CHTF18: variants seen among roughly 807,000 people sequenced by gnomAD.
The protein encoded by CHTF18 is chromosome transmission fidelity protein 18 homolog.
Under a neutral mutation model 113.4 loss-of-function variants are expected in CHTF18, and 151 were observed. That is an observed-to-expected ratio of 1.33 (90% CI 1.17 to 1.52). The LOEUF is 1.52. Ranked by LOEUF, CHTF18 falls within the 40% of genes most tolerant of loss-of-function variation. The probability of loss-of-function intolerance (pLI) is 0.00; values close to 1 mark genes in which losing one functional copy is unlikely to be tolerated. For missense variants in CHTF18, 1,982 were observed against 1,381.6 expected, an observed-to-expected ratio of 1.43 and a Z score of -6.89; for synonymous variants, 916 against 598.8, an observed-to-expected ratio of 1.53 and a Z score of -7.74.
rs764024677 is a variant in CHTF18, at chr16:793,180, C to T, written c.1708C>T (p.Arg570Trp). 3.7e-5 allele frequency: 59 copies of T among 1,607,072 alleles called. No individual in the cohort carries two copies. Among genetic ancestry groups the T allele is most frequent in the Admixed American group, 3.4e-5 (2 of 59,432 alleles). The change falls in exon 14 of 22, where the codon CGG (arginine) becomes TGG (tryptophan). Residue 570 changes from arginine (R) to tryptophan (W), a missense_variant. Transcript: ENST00000262315. ...CCGGGGCCAGCGGGAGCTGAGCGTGCGGGACGTGCAGGCCACACGCGTGGG... is the reference window on the plus strand; with the variant it reads ...CCGGGGCCAGCGGGAGCTGAGCGTGTGGGACGTGCAGGCCACACGCGTGGG... ...YSRGQRELSV[R>W]DVQATRVGLK...
intron 10 of CHTF18, 38 bp from the exon 11 acceptor site, chr16:792,401 A>C: frequency 6.4e-7 from 1 of 1,561,630 alleles, no homozygotes; most frequent in Non-Finnish European, 8.7e-7. Flanking sequence ...GGCGGGCAGC[A>C]GGGCCTGGAC....
chr16:797,026 A>C lies in CHTF18; in HGVS notation c.2667A>C (p.Arg889=), dbSNP rs746649499. 5 of 1,559,474 alleles carry C rather than the reference A, an allele frequency of 3.2e-6. No homozygotes were observed. Among genetic ancestry groups the C allele is most frequent in the Non-Finnish European group, 4.3e-6 (5 of 1,152,362 alleles). The part of the protein sequence containing the change: ...LGGIGEKGVH[R]PAPRNHEQRL... ...GCATTGGGGAGAAAGGGGTGCACCG[A>C]CCTGCCCCACGCAACCATGAGCAGC... Residue 889 remains arginine, a synonymous_variant, in exon 20 of 22, where the codon CGA becomes CGC. Transcript: ENST00000262315.
chr16:794,759 C>T (rs984232569), intron 15 of CHTF18: 3 of 286,044 alleles, frequency 1.0e-5, no homozygotes, highest in East Asian at 8.3e-5. Context: ...ACGCCACGGC[C>T]TGGACTCTGG....
rs768643797 is a variant in CHTF18, at chr16:795,152, G to A, written c.1971G>A (p.Leu657=). 1 of 1,551,770 alleles carries A rather than the reference G, an allele frequency of 6.4e-7. No homozygotes were observed. The change falls in exon 16 of 22, where the codon CTG becomes CTA. Residue 657 remains leucine, a synonymous_variant. Transcript: ENST00000262315. ...TGCAGGGCTTGTTTGACAACTTCCT[G>A]CGTCTGCGGCTGCGAGACTCCAGCC... ...KVVQGLFDNF[L]RLRLRDSSLG... is the part of the protein sequence containing the mutation.
rs754451227 is a variant in CHTF18 at position 789,971 on chromosome 16, C to A, written c.607-206C>A. 3 of 1,534,792 alleles carry A rather than the reference C, an allele frequency of 2.0e-6. No homozygotes were observed. The African/African-American group carries it at 4.1e-5, about 21-fold the overall frequency. On this transcript the variant is annotated intron_variant, in intron 4 of 21. Coordinates refer to ENST00000262315, the MANE Select transcript of CHTF18 (RefSeq NM_022092.3). ...CCCCTCCTGCTTTTGCCCTTTCCTC[C>A]TTTCTCCTAAAGCTGCCCCCAATTT...
At chr16:788,839 G>A (rs2042070941) in intron 1 of CHTF18, 64 bp downstream of exon 1, 3 of 1,539,198 alleles carry the variant, frequency 1.9e-6, no homozygotes, top group Non-Finnish European at 2.6e-6. Flanking sequence ...CGACCTCGGG[G>A]AGGGCGTGCC....
rs778754672 is a variant in CHTF18, at chr16:792,361, T to C, written c.1326+14T>C. On this transcript the variant is annotated intron_variant, in intron 10 of 21. Coordinates refer to ENST00000262315, the MANE Select transcript of CHTF18 (RefSeq NM_022092.3). ...GGGGCCCCCGTGGTGGGCTCCTTGA[T>C]GCCTGGGTAGGTGGGTGGGCGGGCA... is the stretch of plus-strand genomic sequence containing the variant. The C allele has an allele frequency of 3.9e-6, 6 of 1,558,190 alleles. No homozygotes were observed. In the East Asian group the frequency reaches 1.5e-4, roughly 38 times the overall value.
Position 795,693 on chromosome 16 carries a change from C to G in CHTF18, c.2184C>G (p.Asn728Lys). 6.3e-7 allele frequency: 1 copy of G among 1,597,060 alleles called. No individual in the cohort carries two copies. The highest frequency in any genetic ancestry group is 8.5e-7 in the Non-Finnish European group (1 of 1,175,104). ...TFPSSQQEAQ[N>K]RMSQMRNLIQ... Reference sequence around the variant, plus strand: ...CTCACCCCCTGCCCCAGGCCCAGAACCGGATGAGCCAGATGAGGAACCTGA... The same window carrying G: ...CTCACCCCCTGCCCCAGGCCCAGAAGCGGATGAGCCAGATGAGGAACCTGA... The change falls in exon 17 of 22, where the codon AAC (asparagine) becomes AAG (lysine). Residue 728 changes from asparagine to lysine, a missense_variant. Coordinates refer to ENST00000262315, the MANE Select transcript of CHTF18 (RefSeq NM_022092.3).
In CHTF18 at chr16:795,191, T is replaced by C. The variant is rs757798947; in HGVS notation, c.2010T>C (p.Cys670=). The C allele has an allele frequency of 6.4e-7, 1 of 1,559,266 alleles. No homozygotes were observed. ...RLRDSSLGAV[C]VALDWLAFDD... The stretch of plus-strand genomic sequence containing the variant: ...GAGACTCCAGCCTGGGTGCTGTGTG[T>C]GTGGCCCTCGACTGGCTGGCCTTCG... Residue 670 remains cysteine, a synonymous_variant, in exon 16 of 22, where the codon TGT becomes TGC. Transcript: ENST00000262315.
rs369574053 is a variant in CHTF18 at position 796,996 on chromosome 16, G to T, written c.2637G>T (p.Leu879=). ...DGSPPGLEGL[L]GGIGEKGVHR... The stretch of plus-strand genomic sequence containing the variant: ...GCCCCCCAGGGCTCGAGGGTCTGCT[G>T]GGGGGCATTGGGGAGAAAGGGGTGC... The change falls in exon 20 of 22, where the codon CTG becomes CTT. Residue 879 remains leucine, a synonymous_variant. Transcript: ENST00000262315. 2.6e-6 allele frequency: 4 copies of T among 1,544,384 alleles called. No individual in the cohort carries two copies. The highest frequency in any genetic ancestry group is 4.6e-5 in the East Asian group (2 of 43,708).
Position 795,156 on chromosome 16 carries a change from C to G in CHTF18, c.1975C>G (p.Leu659Val). Residue 659 changes from leucine to valine, a missense_variant, in exon 16 of 22, where the codon CTG becomes GTG. Coordinates refer to ENST00000262315, the MANE Select transcript of CHTF18 (RefSeq NM_022092.3). The stretch of plus-strand genomic sequence containing the variant: ...GGGCTTGTTTGACAACTTCCTGCGT[C>G]TGCGGCTGCGAGACTCCAGCCTGGG... ...VQGLFDNFLR[L>V]RLRDSSLGAV... 1.3e-6 allele frequency: 2 copies of G among 1,553,232 alleles called. No individual in the cohort carries two copies. Among genetic ancestry groups the G allele is most frequent in the Non-Finnish European group, 1.7e-6 (2 of 1,148,848 alleles).
At chr16:794,922 C>T (rs906659131) in intron 15 of CHTF18, 1 of 583,546 alleles carries the variant, frequency 1.7e-6, no homozygotes, top group Non-Finnish European at 3.1e-6. Flanking sequence ...GGTGGACCCT[C>T]CCCCGACCCC....
At chr16:789,415 G>C (rs2151639838) in intron 3 of CHTF18, 55 bp downstream of exon 3, 1 of 1,537,410 alleles carries the variant, frequency 6.5e-7, no homozygotes, top group African/African-American at 1.4e-5. Flanking sequence ...GACTCAGATG[G>C]AGCCCATCCC....
rs1026778132 is a variant in CHTF18 at position 791,627 on chromosome 16, T to G, written c.1105-224T>G. 7.0e-6 allele frequency: 10 copies of G among 1,428,784 alleles called. No homozygotes were observed. In the African/African-American group the frequency reaches 1.3e-4, roughly 18 times the overall value. 88.5% of individuals were successfully genotyped at this position (1,428,784 alleles called of 1,614,324 possible). A position where few individuals can be genotyped will look rare whatever the true frequency, so the allele number is the denominator to read the frequency against. ...GGTGGTTTCTGGGGGCCAGTCACAC[T>G]GGTATCAGCTGTGTTTTGTCTGCAC... On this transcript the variant is annotated intron_variant, in intron 8 of 21. Transcript: ENST00000262315.
intron 15 of CHTF18, 170 bp from the exon 16 acceptor site, chr16:794,962 G>T: frequency 3.3e-6 from 2 of 609,108 alleles, no homozygotes; most frequent in South Asian, 3.9e-5. Flanking sequence ...GCTGGTGTGT[G>T]CTGCTGCCTC....
rs1366615379 is a variant in CHTF18, at chr16:797,819, G to T, written c.2792-20G>T. On this transcript the variant is annotated intron_variant, in intron 21 of 21. Coordinates refer to ENST00000262315, the MANE Select transcript of CHTF18 (RefSeq NM_022092.3). ...TGTGGGGGGGCCTTACAGCTGAGGA[G>T]CAACCCTGTGGCCCCGCAGGGGACA... 2 of 1,594,890 alleles carry T rather than the reference G, an allele frequency of 1.3e-6. No individual in the cohort carries two copies. The highest frequency in any genetic ancestry group is 1.7e-5 in the Admixed American group (1 of 57,632).
intron 18 of CHTF18, 150 bp downstream of exon 18, chr16:796,227 C>G: frequency 9.6e-7 from 1 of 1,042,274 alleles, no homozygotes; most frequent in South Asian, 1.6e-5. Context: ...CAGATGTAAC[C>G]GTGAAGGGGG....
chr16:795,463 C>G, intron 16 of CHTF18, 107 bp downstream of exon 16: 1 of 404,898 alleles, frequency 2.5e-6, no homozygotes, highest in Non-Finnish European at 4.0e-6. Flanking sequence ...ACACACTGCC[C>G]GTGTGGCTGC....
intron 1 of CHTF18, 46 bp from the exon 2 acceptor site, chr16:788,885 G>C (rs969659917): frequency 8.0e-6 from 12 of 1,508,252 alleles, no homozygotes; most frequent in Admixed American, 6.5e-5. Context: ...CCGCTGGCGG[G>C]ATCTGCTGTC....
Sources: allele counts gnomAD v4.1 joint callset, GRCh38; gene constraint gnomAD v4.1.1; transcripts MANE v1.5; gene names NCBI Gene and HGNC (gene_info 2026-07-23, HGNC 2026-07-21).